The following LGSN variants were observed in gnomAD, a reference collection of about 807,000 sequenced individuals.
The protein encoded by LGSN is lengsin.
Under a neutral mutation model 19.5 loss-of-function variants are expected in LGSN, and 21 were observed. That is an observed-to-expected ratio of 1.07 (90% confidence interval 0.76 to 1.55). LGSN has a LOEUF of 1.55. LGSN is among the 40% of genes most tolerant of loss of function. LGSN has a pLI of 0.00. For synonymous variants in LGSN, 257 were observed against 215.6 expected (o/e 1.19, Z -1.68); for missense variants, 673 against 608.5 (o/e 1.11, Z -1.12).
At chr6:63,501,166 G>A in the LGSN span, among the ~76,000 whole-genome samples, 1 of 152,102 alleles carries the variant, frequency 6.6e-6, no homozygotes, top group Non-Finnish European at 1.5e-5. Flanking sequence ...GAGATCAGGA[G>A]TTCGAGACTA....
At chr6:63,474,960 G>A in the LGSN span, among the ~76,000 whole-genome samples, 39 of 151,456 alleles carry the variant, frequency 2.6e-4, no homozygotes, top group Admixed American at 9.9e-4. Flanking sequence ...TGCAAAATGA[G>A]ACAATGAATA....
the LGSN span, chr6:63,572,320 C>T: frequency 4.2e-6 from 1 of 235,512 alleles, no homozygotes; most frequent in Admixed American, 5.7e-5. Flanking sequence ...CATTCATCAA[C>T]CGGTTCACAC....
chr6:63,480,494 G>A, the LGSN span: 1 of 155,694 alleles, frequency 6.4e-6, no homozygotes, highest in African/African-American at 2.4e-5. Flanking sequence ...GCAAAGGGAA[G>A]AATACCCTGC....
the LGSN span, among the ~76,000 whole-genome samples, chr6:63,500,193 C>G: frequency 2.7e-3 from 414 of 152,100 alleles, 2 homozygotes; most frequent in Non-Finnish European, 4.6e-3. Context: ...ACTCACAAAG[C>G]AGAGCTAAAG....
At chr6:63,350,109 T>C in the LGSN span, among the ~76,000 whole-genome samples, 1 of 152,338 alleles carries the variant, frequency 6.6e-6, no homozygotes, top group Admixed American at 6.5e-5. Context: ...GGTGCAGAAG[T>C]AATTAGCAAA....
chr6:63,382,642 G>A, the LGSN span, among the ~76,000 whole-genome samples: 9 of 152,182 alleles, frequency 5.9e-5, no homozygotes, highest in Non-Finnish European at 1.3e-4. Context: ...CACATTTTAT[G>A]TGCCTGGGTG....
the LGSN span, among the ~76,000 whole-genome samples, chr6:63,420,176 G>A: frequency 1.5e-4 from 22 of 151,144 alleles, no homozygotes; most frequent in Non-Finnish European, 2.7e-4. Flanking sequence ...GCACTCCAGC[G>A]GAGGCGACAG....
the LGSN span, among the ~76,000 whole-genome samples, chr6:63,442,158 C>T: frequency 2.0e-5 from 3 of 151,602 alleles, no homozygotes; most frequent in African/African-American, 7.3e-5. Flanking sequence ...CCTCCCAATG[C>T]GTTTGTTCGT....
the LGSN span, among the ~76,000 whole-genome samples, chr6:63,390,475 C>T: frequency 6.6e-6 from 1 of 151,742 alleles, no homozygotes; most frequent in Non-Finnish European, 1.5e-5. Flanking sequence ...GAATGCATGA[C>T]CTATTGCCAA....
chr6:63,444,014 A>G, the LGSN span, among the ~76,000 whole-genome samples: 1 of 152,302 alleles, frequency 6.6e-6, no homozygotes, highest in Non-Finnish European at 1.5e-5. Context: ...TAAACAAAAA[A>G]TGCCACTGTC....
At chr6:63,354,082 T>G in the LGSN span, among the ~76,000 whole-genome samples, 1 of 152,124 alleles carries the variant, frequency 6.6e-6, no homozygotes, top group South Asian at 2.1e-4. Flanking sequence ...GGCATTGGTC[T>G]AGGCAAAGAC....
At chr6:63,503,514 T>C in the LGSN span, among the ~76,000 whole-genome samples, 21 of 152,200 alleles carry the variant, frequency 1.4e-4, no homozygotes, top group Non-Finnish European at 2.4e-4. Context: ...ACCCAAGATT[T>C]AAATTCCAGA....
the LGSN span, among the ~76,000 whole-genome samples, chr6:63,531,369 T>A: frequency 6.7e-6 from 1 of 148,952 alleles, no homozygotes; most frequent in Admixed American, 6.8e-5. Context: ...CAATAAAAAA[T>A]TTATTCCAAA....
At chr6:63,428,783 G>A in the LGSN span, among the ~76,000 whole-genome samples, 1 of 152,304 alleles carries the variant, frequency 6.6e-6, no homozygotes, top group Admixed American at 6.5e-5. Flanking sequence ...CCAAAGAAAT[G>A]TCCTCAAAGA....
the LGSN span, chr6:63,396,312 C>A: frequency 1.1e-3 from 238 of 213,712 alleles, 1 homozygote; most frequent in African/African-American, 5.4e-3. Context: ...TCTGTGACAG[C>A]AGTTTAAATT....
the LGSN span, among the ~76,000 whole-genome samples, chr6:63,506,345 C>A: frequency 1.4e-4 from 21 of 151,958 alleles, no homozygotes; most frequent in Non-Finnish European, 1.5e-5. Context: ...ATCTCTGCAA[C>A]CTCCACCTCC....
At chr6:63,358,902 T>A in the LGSN span, among the ~76,000 whole-genome samples, 1 of 152,208 alleles carries the variant, frequency 6.6e-6, no homozygotes, top group Admixed American at 6.5e-5. Context: ...GACATTCCCG[T>A]CTTGTGCCAG....
the LGSN span, among the ~76,000 whole-genome samples, chr6:63,398,901 C>T: frequency 6.6e-6 from 1 of 152,000 alleles, no homozygotes; most frequent in African/African-American, 2.4e-5. Flanking sequence ...ACCTTCTGGG[C>T]TCAAGCGATC....
At position 63,280,349 on chromosome 6, in the gene LGSN, T is replaced by C. The variant is rs747513021; in HGVS notation, c.1202A>G (p.Lys401Arg). ...CIFNIKCHGE[K>R]GTRIENKLGS... The stretch of plus-strand genomic sequence containing the variant: ...TAGTTTATTTTCTATCCGGGTGCCT[T>C]TCTCTCCATGACATTTGATATTAAA... Residue 401 changes from lysine to arginine, a missense_variant, in exon 4 of 4, where the codon AAA (lysine) becomes AGA (arginine). Coordinates refer to ENST00000370657, the MANE Select transcript of LGSN (RefSeq NM_016571.3). 7.0e-5 allele frequency: 113 copies of C among 1,614,096 alleles called. No individual in the cohort carries two copies. Among genetic ancestry groups the C allele is most frequent in the Non-Finnish European group, 9.2e-5 (109 of 1,180,044 alleles).
Sources: gnomAD v4.1 joint callset for allele counts (sites outside exome capture counted in the v4.1 genomes callset) on GRCh38, gnomAD v4.1.1 for gene constraint, MANE v1.5 for transcripts, NCBI Gene and HGNC (gene_info 2026-07-23, HGNC 2026-07-21) for gene names.